The following DGLUCY variants were observed in gnomAD, a reference collection of about 807,000 sequenced individuals.
The protein encoded by DGLUCY is D-glutamate cyclase.
In DGLUCY, 58 loss-of-function variants were observed where a neutral mutation model predicts 58.5. That is an observed-to-expected ratio of 0.99 (90% confidence interval 0.80 to 1.23). The LOEUF is 1.23. DGLUCY is among the 50% of genes most tolerant of loss of function. The pLI, the probability that DGLUCY is intolerant of heterozygous loss-of-function variation, is 0.00. For missense variants in DGLUCY, 779 were observed against 784.7 expected, an observed-to-expected ratio of 0.99 and a Z score of 0.09; for synonymous variants, 325 against 314.1, an observed-to-expected ratio of 1.03 and a Z score of -0.37.
chr14:91,090,526 G>C (rs11626248), intron 1 of DGLUCY, among the ~76,000 whole-genome samples: 28,458 of 152,042 alleles, frequency 0.19, 2,903 homozygotes, highest in Middle Eastern at 0.25. Context: ...GGGTTGGGCA[G>C]CGTTTGGTCA....
At chr14:91,069,336 C>T (rs150725425) in intron 1 of DGLUCY, among the ~76,000 whole-genome samples, 2,384 of 151,726 alleles carry the variant, frequency 0.016, 63 homozygotes, top group African/African-American at 0.054. Flanking sequence ...AGTGCAGTGG[C>T]GTGATCTCAG....
intron 1 of DGLUCY, among the ~76,000 whole-genome samples, chr14:91,131,787 C>T (rs1039127017): frequency 2.0e-5 from 3 of 152,150 alleles, no homozygotes; most frequent in Non-Finnish European, 4.4e-5. Context: ...TAATTAGCTT[C>T]CAGTTTTACT....
At chr14:91,180,571 C>CAA (rs1212639674) in intron 7 of DGLUCY, among the ~76,000 whole-genome samples, 11 of 86,146 alleles carry the variant, frequency 1.3e-4, no homozygotes, top group Non-Finnish European at 2.1e-4. Context: ...GACTCCATCT[C>CAA]AAAAAAAAAA....
In DGLUCY at chr14:91,181,324, G is replaced by A. The variant is rs2049154565; in HGVS notation, c.869G>A (p.Ser290Asn). 1.2e-6 allele frequency: 2 copies of A among 1,614,050 alleles called. No homozygotes were observed. Among genetic ancestry groups the A allele is most frequent in the South Asian group, 2.2e-5 (2 of 91,088 alleles). Residue 290 changes from serine (S) to asparagine (N), a missense_variant, in exon 8 of 14, where the codon AGC becomes AAC. Physicochemically the swap from Ser to Asn is conservative, Grantham distance 46 (BLOSUM62 1). Coordinates refer to ENST00000256324, the MANE Select transcript of DGLUCY (RefSeq NM_001102368.3). ...HHISQDPLHY[S>N]IASVSASQKI... ...ATTTCCCAAGATCCTCTGCACTACA[G>A]CATCGCGTCAGTCTCTGCTTCTCAG...
intron 1 of DGLUCY, among the ~76,000 whole-genome samples, chr14:91,096,738 C>T (rs1159383202): frequency 6.6e-6 from 1 of 152,132 alleles, no homozygotes; most frequent in Non-Finnish European, 1.5e-5. Context: ...TCAGCGTGTA[C>T]ATTCAGCCTG....
At chr14:91,148,398 G>T (rs2047128130) in intron 1 of DGLUCY, among the ~76,000 whole-genome samples, 2 of 151,244 alleles carry the variant, frequency 1.3e-5, no homozygotes, top group Non-Finnish European at 2.9e-5. Flanking sequence ...TAAAGACAGG[G>T]TCTCACCATT....
chr14:91,072,645 T>A (rs1344907020), intron 1 of DGLUCY, among the ~76,000 whole-genome samples: 1 of 147,540 alleles, frequency 6.8e-6, no homozygotes, highest in Non-Finnish European at 1.5e-5. Flanking sequence ...AAGTGAGATT[T>A]GAGACACCAA....
At chr14:91,066,676 C>T (rs1179460074) in intron 1 of DGLUCY, among the ~76,000 whole-genome samples, 1 of 152,138 alleles carries the variant, frequency 6.6e-6, no homozygotes, top group Non-Finnish European at 1.5e-5. Flanking sequence ...AAACAGGAAG[C>T]AGGAAGTAAA....
intron 12 of DGLUCY, among the ~76,000 whole-genome samples, chr14:91,207,240 T>G (rs8003264): frequency 6.7e-6 from 1 of 150,122 alleles, no homozygotes; most frequent in African/African-American, 2.5e-5. Flanking sequence ...GATGGGCTTA[T>G]TAGTAGACCG....
At chr14:91,122,603 T>TTTTTTTG (rs2045441307) in intron 1 of DGLUCY, among the ~76,000 whole-genome samples, 1 of 7,642 alleles carries the variant, frequency 1.3e-4, no homozygotes, top group African/African-American at 8.2e-4. Flanking sequence ...AAGAAAAAAG[T>TTTTTTTG]TTTTTTTTTT....
upstream of DGLUCY, among the ~76,000 whole-genome samples, chr14:91,109,887 T>C (rs2044664384): frequency 6.6e-6 from 1 of 152,196 alleles, no homozygotes; most frequent in Admixed American, 6.5e-5. Flanking sequence ...GTCTGGAGGC[T>C]TTCATATCTA....
At chr14:91,079,340 CTTTCTTTTCT>C (rs1040216756) in intron 1 of DGLUCY, among the ~76,000 whole-genome samples, 2 of 151,198 alleles carry the variant, frequency 1.3e-5, no homozygotes, top group East Asian at 1.9e-4. Flanking sequence ...AACATTGTTT[CTTTCTTTTCT>C]TTTCTTTTCT....
At chr14:91,173,579 C>A in intron 6 of DGLUCY, 140 bp downstream of exon 6, 1 of 1,217,498 alleles carries the variant, frequency 8.2e-7, no homozygotes, top group Non-Finnish European at 1.1e-6. Flanking sequence ...ATGATCCTGA[C>A]AGCCTCTCTT....
At chr14:91,147,245 T>C (rs920475259) in intron 1 of DGLUCY, among the ~76,000 whole-genome samples, 14 of 152,204 alleles carry the variant, frequency 9.2e-5, no homozygotes, top group African/African-American at 3.1e-4. Flanking sequence ...TGTGGCACTG[T>C]CACTGGTTTT....
At chr14:91,105,125 G>T (rs1156428974), upstream of DGLUCY, among the ~76,000 whole-genome samples, 2 of 152,072 alleles carry the variant, frequency 1.3e-5, no homozygotes, top group Admixed American at 6.6e-5. Context: ...GACCAGCCTG[G>T]CCAACATGTT....
At position 91,224,706 on chromosome 14, in the gene DGLUCY, T is replaced by C. The variant is rs766751650; in HGVS notation, c.1739T>C (p.Leu580Ser). Reference sequence around the variant, plus strand: ...CAGGAAGAAAAAATGCTGGGCATCTTGGTGCAGCACAAAGTCCGGAGTGGC... The same window carrying C: ...CAGGAAGAAAAAATGCTGGGCATCTCGGTGCAGCACAAAGTCCGGAGTGGC... ...VIKEEKMLGI[L>S]VQHKVRSGVS... is the part of the protein sequence containing the mutation. The change falls in exon 14 of 14, where the codon TTG becomes TCG. Residue 580 changes from leucine to serine, a missense_variant. Transcript: ENST00000256324. 18 of 1,606,304 alleles carry C rather than the reference T, an allele frequency of 1.1e-5. No homozygotes were observed. Among genetic ancestry groups the C allele is most frequent in the Non-Finnish European group, 1.5e-5 (18 of 1,173,976 alleles).
chr14:91,225,093 C>T lies in DGLUCY; in HGVS notation c.*260C>T, dbSNP rs909515903. 9.3e-6 allele frequency: 3 copies of T among 321,328 alleles called. No homozygotes were observed. In the Admixed American group the frequency reaches 1.5e-4, roughly 16 times the overall value. The allele number at this position is 321,328 out of a possible 1,614,324, so 19.9% of individuals were successfully genotyped here. A position where few individuals can be genotyped will look rare whatever the true frequency, so the allele number is the denominator to read the frequency against. On this transcript the variant is annotated 3_prime_UTR_variant, in exon 14 of 14. Coordinates refer to ENST00000256324, the MANE Select transcript of DGLUCY (RefSeq NM_001102368.3). ...AGGCGTTGATTTCAACCCTCCTTCA[C>T]TCTGGCTTCTTCAGGCAACCCACGT...
chr14:91,188,795 T>C (rs2049685696), intron 8 of DGLUCY, 115 bp from the exon 9 acceptor site: 1 of 1,234,914 alleles, frequency 8.1e-7, no homozygotes, highest in Admixed American at 2.6e-5. Context: ...CGCCACTGCC[T>C]TCCAGCCTGG....
At chr14:91,218,645 C>T (rs1180019317) in intron 13 of DGLUCY, among the ~76,000 whole-genome samples, 10 of 151,882 alleles carry the variant, frequency 6.6e-5, no homozygotes, top group Non-Finnish European at 1.0e-4. Flanking sequence ...TCAAGTGATC[C>T]GCCTGCCTCA....
Sources: allele counts gnomAD v4.1 joint callset (sites outside exome capture counted in the v4.1 genomes callset), GRCh38; gene constraint gnomAD v4.1.1; transcripts MANE v1.5; gene names NCBI Gene and HGNC (gene_info 2026-07-23, HGNC 2026-07-21).